NFIB: variants seen among roughly 807,000 people sequenced by gnomAD.
The protein encoded by NFIB is nuclear factor I B, also known as nuclear factor 1 B-type.
NFIB carries 11 observed loss-of-function variants against 61.5 expected under a neutral mutation model. The ratio of observed to expected loss-of-function variants is 0.18; its 90% confidence interval spans 0.11 to 0.30. NFIB has a LOEUF of 0.30. NFIB is among the 10% of genes least tolerant of loss of function. The pLI, the probability that NFIB is intolerant of heterozygous loss-of-function variation, is 1.00. For synonymous variants in NFIB, 260 were observed against 216.5 expected (o/e 1.20, Z -1.76); for missense variants, 471 against 608.9 (o/e 0.77, Z 2.38).
Position 14,147,993 on chromosome 9 carries a change from G to C in NFIB, c.807-1186C>G, listed in dbSNP as rs2042456202. ...ATGACTCATCTCAATGAATAAGAAA[G>C]GTGACTATCCAGAACAAAGATTAAG... On this transcript the variant is annotated intron_variant, in intron 5 of 10. Coordinates refer to ENST00000380953, the MANE Select transcript of NFIB (RefSeq NM_001190737.2). Among the ~76,000 whole-genome samples, 5 of 152,074 alleles carry C rather than the reference G, an allele frequency of 3.3e-5. No individual in the cohort carries two copies. In the South Asian group the frequency reaches 1.0e-3, roughly 32 times the overall value.
intron 2 of NFIB, 98 bp downstream of exon 2, chr9:14,306,891 G>A: frequency 6.9e-7 from 1 of 1,442,462 alleles, no homozygotes; most frequent in Non-Finnish European, 9.5e-7. Context: ...AGGATATCTA[G>A]GGGCCTTGAG....
Position 14,088,070 on chromosome 9 carries a change from G to T in NFIB, c.*239C>A. The stretch of plus-strand genomic sequence containing the variant: ...GTGATTGTAAGTGCTGCAATTGCTG[G>T]TCTATTATCTTCTTTCTTCAGTTTC... On this transcript the variant is annotated 3_prime_UTR_variant, in exon 11 of 11. Coordinates refer to ENST00000380953, the MANE Select transcript of NFIB (RefSeq NM_001190737.2). 1 of 826,704 alleles carries T rather than the reference G, an allele frequency of 1.2e-6. No homozygotes were observed. Among genetic ancestry groups the T allele is most frequent in the Non-Finnish European group, 1.7e-6 (1 of 599,058 alleles). 51.2% of individuals were successfully genotyped at this position (826,704 alleles called of 1,614,324 possible).
intron 1 of NFIB, among the ~76,000 whole-genome samples, chr9:14,308,727 A>G (rs1373413933): frequency 2.0e-5 from 3 of 152,222 alleles, no homozygotes; most frequent in Admixed American, 6.5e-5. Flanking sequence ...AGATACATAG[A>G]TTATAGAGTA....
At chr9:14,398,685 G>T in exon 1 of NFIB, 1 of 1,313,638 alleles carries the variant, frequency 7.6e-7, no homozygotes, top group Non-Finnish European at 1.0e-6. Context: ...TGCCATTTGC[G>T]CTGTTTTAGA....
chr9:14,255,193 A>G (rs2132172624), intron 2 of NFIB, among the ~76,000 whole-genome samples: 1 of 152,338 alleles, frequency 6.6e-6, no homozygotes, highest in East Asian at 1.9e-4. Flanking sequence ...ACTGAACTCC[A>G]ACAAGGATGA....
chr9:14,156,055 T>C (rs1211862993), intron 3 of NFIB, among the ~76,000 whole-genome samples, 162 bp from the exon 4 acceptor site: 1 of 152,072 alleles, frequency 6.6e-6, no homozygotes. Context: ...GCAAATTAGG[T>C]TTGTTTAAAC....
At chr9:14,336,505 A>C (rs2060887488) in intron 1 of NFIB, among the ~76,000 whole-genome samples, 1 of 152,246 alleles carries the variant, frequency 6.6e-6, no homozygotes, top group Admixed American at 6.5e-5. Context: ...AATGCTTACA[A>C]GTAACCAGGC....
chr9:14,223,715 A>G (rs2052005024), intron 2 of NFIB, among the ~76,000 whole-genome samples: 2 of 152,202 alleles, frequency 1.3e-5, no homozygotes. Context: ...ATCTAATTTC[A>G]AGGAAATGCA....
At chr9:14,094,851 C>T (rs1328699895) in intron 10 of NFIB, among the ~76,000 whole-genome samples, 1 of 152,080 alleles carries the variant, frequency 6.6e-6, no homozygotes, top group African/African-American at 2.4e-5. Context: ...AAAATGGTAG[C>T]CCATCAAACC....
At chr9:14,377,093 G>T (rs2061429224) in intron 1 of NFIB, among the ~76,000 whole-genome samples, 1 of 152,190 alleles carries the variant, frequency 6.6e-6, no homozygotes. Context: ...TAAACGGTTT[G>T]TGGGTATTAT....
At chr9:14,246,962 C>G (rs1183211814) in intron 2 of NFIB, among the ~76,000 whole-genome samples, 1 of 152,022 alleles carries the variant, frequency 6.6e-6, no homozygotes, top group East Asian at 1.9e-4. Context: ...GCCAATGTGC[C>G]TGATCTCTCT....
the NFIB span, among the ~76,000 whole-genome samples, chr9:14,468,675 A>C: frequency 6.6e-6 from 1 of 152,204 alleles, no homozygotes. Flanking sequence ...CTGGATAGAA[A>C]ACTGGTGGAG....
chr9:14,402,286 T>C (rs954694043), upstream of NFIB, among the ~76,000 whole-genome samples: 8 of 152,220 alleles, frequency 5.3e-5, no homozygotes, highest in Non-Finnish European at 5.9e-5. Context: ...TATAAATCAT[T>C]AGCTTTAAGG....
chr9:14,430,600 G>C, the NFIB span, among the ~76,000 whole-genome samples: 17 of 150,292 alleles, frequency 1.1e-4, no homozygotes, highest in South Asian at 8.5e-4. Context: ...TTATTTATTT[G>C]AGACACAGCC....
intron 1 of NFIB, among the ~76,000 whole-genome samples, chr9:14,391,488 G>T (rs182016042): frequency 4.7e-4 from 72 of 152,202 alleles, no homozygotes; most frequent in African/African-American, 1.7e-3. Context: ...ACCTGAAGCT[G>T]GTAATCAGCA....
At chr9:14,406,782 G>C in the NFIB span, among the ~76,000 whole-genome samples, 1 of 152,150 alleles carries the variant, frequency 6.6e-6, no homozygotes, top group South Asian at 2.1e-4. Context: ...CCCTCATCTG[G>C]TGACAGAATA....
intron 2 of NFIB, among the ~76,000 whole-genome samples, chr9:14,291,382 G>C (rs2059087381): frequency 6.6e-6 from 1 of 151,986 alleles, no homozygotes; most frequent in Non-Finnish European, 1.5e-5. Flanking sequence ...CTACTTGGGA[G>C]GCTGATTCAG....
intron 1 of NFIB, among the ~76,000 whole-genome samples, chr9:14,373,490 A>T (rs1254710543): frequency 6.6e-6 from 1 of 152,106 alleles, no homozygotes; most frequent in African/African-American, 2.4e-5. Context: ...ATCTTTTTGA[A>T]TTATTGTTTT....
chr9:14,417,084 G>A, the NFIB span, among the ~76,000 whole-genome samples: 4 of 151,372 alleles, frequency 2.6e-5, no homozygotes, highest in Admixed American at 2.6e-4. Context: ...AGTAGAGACA[G>A]GGTTTCACCA....
Sources: gnomAD v4.1 joint callset for allele counts (sites outside exome capture counted in the v4.1 genomes callset) on GRCh38, gnomAD v4.1.1 for gene constraint, MANE v1.5 for transcripts, NCBI Gene and HGNC (gene_info 2026-07-23, HGNC 2026-07-21) for gene names.